Variants in AFAP1L2 observed in about 807,000 individuals in gnomAD.
AFAP1L2 encodes the protein actin filament associated protein 1 like 2.
A neutral mutation model predicts 99.3 loss-of-function variants in AFAP1L2; 46 were observed. That is an observed-to-expected ratio of 0.46 (90% CI 0.37 to 0.59). The LOEUF is 0.59. Among genes scored for constraint, AFAP1L2 ranks in the 20% least tolerant of loss-of-function variants. AFAP1L2 has a pLI of 0.00. For missense variants in AFAP1L2, 959 were observed against 1,034.9 expected (o/e 0.93, Z 1.01); for synonymous variants, 397 against 419.1 (o/e 0.95, Z 0.64).
At chr10:114,340,010 C>CA (rs3061677) in intron 2 of AFAP1L2, among the ~76,000 whole-genome samples, 6,083 of 117,718 alleles carry the variant, frequency 0.052, 307 homozygotes, top group African/African-American at 0.13. Context: ...GACCCCGTCT[C>CA]AAAAAAAAAA....
chr10:114,332,433 A>C (rs2047373984), intron 3 of AFAP1L2, among the ~76,000 whole-genome samples: 1 of 152,210 alleles, frequency 6.6e-6, no homozygotes, highest in Non-Finnish European at 1.5e-5. Context: ...GAGCCTGTCC[A>C]TTTCAGCCAG....
At chr10:114,401,016 G>A (rs1319984747) in intron 1 of AFAP1L2, among the ~76,000 whole-genome samples, 3 of 152,130 alleles carry the variant, frequency 2.0e-5, no homozygotes, top group Admixed American at 6.5e-5. Flanking sequence ...GACCTTCCCT[G>A]ACCACAGATC....
chr10:114,317,513 T>A (rs1036211647), intron 5 of AFAP1L2, among the ~76,000 whole-genome samples: 13 of 152,200 alleles, frequency 8.5e-5, no homozygotes, highest in Admixed American at 8.5e-4. Context: ...ACCCATACTC[T>A]TTGATCCAAT....
At chr10:114,305,825 C>A (rs1214378900) in intron 10 of AFAP1L2, among the ~76,000 whole-genome samples, 1 of 106,212 alleles carries the variant, frequency 9.4e-6, no homozygotes, top group Non-Finnish European at 1.9e-5. Context: ...GGAGGGGAGG[C>A]AGATCCAGGA....
At position 114,300,234 on chromosome 10, in the gene AFAP1L2, G is replaced by C. The variant is rs376864938; in HGVS notation, c.1917C>G (p.Ala639=). ...GCAACCTGTCCTTCACAGGTGGGCT[G>C]GCACCAGGTGGGGTGGCCACCACGG... ...PDAVVATPPG[A]SPPVKDRLRV... is the part of the protein sequence containing the mutation. Residue 639 remains alanine (A), a synonymous_variant, in exon 15 of 19, where the codon GCC becomes GCG. Coordinates refer to ENST00000304129, the MANE Select transcript of AFAP1L2 (RefSeq NM_001001936.3). The C allele has an allele frequency of 6.2e-6, 10 of 1,614,058 alleles. No individual in the cohort carries two copies. The African/African-American group carries it at 1.2e-4, about 19-fold the overall frequency.
chr10:114,301,547 G>A, intron 12 of AFAP1L2, 82 bp from the exon 13 acceptor site: 1 of 1,059,720 alleles, frequency 9.4e-7, no homozygotes, highest in Non-Finnish European at 1.5e-6. Flanking sequence ...TCCCAGTGAG[G>A]AGTGGTTGCC....
intron 18 of AFAP1L2, 77 bp downstream of exon 18, chr10:114,296,901 C>A: frequency 6.2e-7 from 1 of 1,610,332 alleles, no homozygotes; most frequent in East Asian, 2.2e-5. Context: ...CACAAAGCAC[C>A]ACCTGGGTCA....
intron 1 of AFAP1L2, among the ~76,000 whole-genome samples, chr10:114,369,613 A>AC (rs1467484280): frequency 2.6e-5 from 4 of 151,094 alleles, no homozygotes; most frequent in African/African-American, 9.8e-5. Context: ...AAAAAAAAAA[A>AC]AACTTTTTAT....
intron 16 of AFAP1L2, 102 bp from the exon 17 acceptor site, chr10:114,297,515 G>A (rs998577464): frequency 9.5e-6 from 12 of 1,268,792 alleles, no homozygotes; most frequent in Admixed American, 8.5e-5. Context: ...CACCCGAGAA[G>A]GACCACAGGT....
the AFAP1L2 span, among the ~76,000 whole-genome samples, chr10:114,283,776 G>A: frequency 1.3e-4 from 20 of 152,232 alleles, no homozygotes; most frequent in Admixed American, 5.2e-4. Flanking sequence ...CACTGTCGTC[G>A]ATCTCAGTGA....
chr10:114,316,797 A>T (rs547671439), intron 5 of AFAP1L2, among the ~76,000 whole-genome samples: 13 of 152,312 alleles, frequency 8.5e-5, no homozygotes, highest in African/African-American at 3.1e-4. Context: ...AAAGCAGGAC[A>T]TGGAGGAAAG....
At chr10:114,285,846 C>T in the AFAP1L2 span, 1 of 1,328,642 alleles carries the variant, frequency 7.5e-7, no homozygotes. Flanking sequence ...TCTGCACCAT[C>T]TCCCTCCTGG....
chr10:114,336,627 G>C (rs962238261), intron 2 of AFAP1L2, among the ~76,000 whole-genome samples: 3 of 144,204 alleles, frequency 2.1e-5, no homozygotes, highest in Non-Finnish European at 4.5e-5. Context: ...GCTACCACTG[G>C]ATACAGAACA....
In AFAP1L2 at chr10:114,343,440, C is replaced by G. The variant is rs2049079104; in HGVS notation, c.17-2709G>C. 2.0e-5 allele frequency among the ~76,000 whole-genome samples: 3 copies of G among 152,196 alleles called. No individual in the cohort carries two copies. The South Asian group carries it at 6.2e-4, about 31-fold the overall frequency. On this transcript the variant is annotated intron_variant, in intron 1 of 18. Transcript: ENST00000304129. Reference sequence around the variant, plus strand: ...GTCAGTGGCTCAGGAGAAACAGGCACTTTGTGGGAAGCCTGCACTCATTTG... The same window carrying G: ...GTCAGTGGCTCAGGAGAAACAGGCAGTTTGTGGGAAGCCTGCACTCATTTG...
chr10:114,404,497 T>G lies in AFAP1L2; in HGVS notation c.-42A>C, dbSNP rs1267945589. 5.9e-6 allele frequency: 9 copies of G among 1,526,536 alleles called. No individual in the cohort carries two copies. In the East Asian group the frequency reaches 2.1e-4, roughly 35 times the overall value. The allele number at this position is 1,526,536 out of a possible 1,614,324, so 94.6% of individuals were successfully genotyped here. On this transcript the variant is annotated 5_prime_UTR_variant, in exon 1 of 19. Coordinates refer to ENST00000304129, the MANE Select transcript of AFAP1L2 (RefSeq NM_001001936.3). ...GCTCCTCGCGGCTCGGCTTCTGCGC[T>G]GCTCTCCCGGCGCTCGGCTCAGCGC...
intron 13 of AFAP1L2, 137 bp from the exon 14 acceptor site, chr10:114,300,827 C>T: frequency 1.7e-6 from 2 of 1,197,902 alleles, no homozygotes; most frequent in Admixed American, 5.2e-5. Flanking sequence ...CTGGGGGGGC[C>T]ACTGGCTGAG....
chr10:114,369,481 G>A (rs2053790459), intron 1 of AFAP1L2, among the ~76,000 whole-genome samples: 1 of 151,582 alleles, frequency 6.6e-6, no homozygotes, highest in Non-Finnish European at 1.5e-5. Flanking sequence ...TGTAGTCCCA[G>A]CTACTCGGGA....
chr10:114,384,374 A>C (rs1333678652), intron 1 of AFAP1L2, among the ~76,000 whole-genome samples: 1 of 149,680 alleles, frequency 6.7e-6, no homozygotes, highest in East Asian at 2.0e-4. Context: ...CGTCTGCTGC[A>C]GGCTCTCTGA....
At chr10:114,286,609 C>T in the AFAP1L2 span, 1 of 1,062,076 alleles carries the variant, frequency 9.4e-7, no homozygotes, top group Non-Finnish European at 1.3e-6. Context: ...AGTGCCTCTT[C>T]TAGGGGCTGA....
Sources: gnomAD v4.1 joint callset for allele counts (sites outside exome capture counted in the v4.1 genomes callset) on GRCh38, gnomAD v4.1.1 for gene constraint, MANE v1.5 for transcripts, NCBI Gene and HGNC (gene_info 2026-07-23, HGNC 2026-07-21) for gene names.